Variants in RFX3 observed in about 807,000 individuals in gnomAD.
The protein encoded by RFX3 is transcription factor RFX3.
In RFX3, 14 loss-of-function variants were observed where a neutral mutation model predicts 98.6. That is an observed-to-expected ratio of 0.14 (90% CI 0.09 to 0.22). The LOEUF is 0.22. RFX3 is among the 10% of genes least tolerant of loss of function. The pLI is 1.00. For missense variants in RFX3, 639 were observed against 926.9 expected, an observed-to-expected ratio of 0.69 and a Z score of 4.03; for synonymous variants, 383 against 328.4, an observed-to-expected ratio of 1.17 and a Z score of -1.80.
intron 15 of RFX3, among the ~76,000 whole-genome samples, chr9:3,231,489 A>G (rs573957980): frequency 6.6e-6 from 1 of 152,318 alleles, no homozygotes; most frequent in East Asian, 1.9e-4. Context: ...CAATTTGGAA[A>G]TATTCCTGTC....
intron 2 of RFX3, 43 bp from the exon 3 acceptor site, chr9:3,346,807 T>C: frequency 3.4e-6 from 4 of 1,179,148 alleles, no homozygotes; most frequent in Non-Finnish European, 5.1e-6. Flanking sequence ...GTAGGTATGA[T>C]AGGAAGAATA....
intron 14 of RFX3, among the ~76,000 whole-genome samples, chr9:3,248,722 G>C (rs1259225034): frequency 6.6e-6 from 1 of 152,112 alleles, no homozygotes; most frequent in African/African-American, 2.4e-5. Flanking sequence ...ATTCCAGCAA[G>C]TTTCCTTGGA....
At chr9:3,389,017 A>C (rs1177598280) in intron 2 of RFX3, among the ~76,000 whole-genome samples, 2 of 152,134 alleles carry the variant, frequency 1.3e-5, no homozygotes, top group Non-Finnish European at 2.9e-5. Context: ...GGGAGGAAAA[A>C]AATCTTAGAG....
intron 1 of RFX3, among the ~76,000 whole-genome samples, chr9:3,458,153 T>C (rs151052155): frequency 2.9e-4 from 44 of 152,244 alleles, no homozygotes; most frequent in African/African-American, 9.1e-4. Flanking sequence ...GGATTTAAGG[T>C]GCATGAAGTG....
At chr9:3,342,247 T>C (rs1034941095) in intron 3 of RFX3, among the ~76,000 whole-genome samples, 4 of 152,310 alleles carry the variant, frequency 2.6e-5, no homozygotes, top group Non-Finnish European at 4.4e-5. Context: ...TCTATGCATT[T>C]CTATAGGACT....
At chr9:3,349,666 A>G (rs1834868625) in intron 2 of RFX3, among the ~76,000 whole-genome samples, 1 of 152,046 alleles carries the variant, frequency 6.6e-6, no homozygotes, top group African/African-American at 2.4e-5. Context: ...CTTTTTAGAC[A>G]AACGTGCAAA....
At chr9:3,227,052 C>G (rs753723820) in intron 16 of RFX3, among the ~76,000 whole-genome samples, 1 of 152,254 alleles carries the variant, frequency 6.6e-6, no homozygotes, top group South Asian at 2.1e-4. Flanking sequence ...CAAGAGCCAT[C>G]AAGAGGTCTG....
At chr9:3,423,772 T>C (rs530265983) in intron 1 of RFX3, among the ~76,000 whole-genome samples, 80 of 106,904 alleles carry the variant, frequency 7.5e-4, no homozygotes, top group African/African-American at 2.6e-3. Flanking sequence ...ATGTATTATA[T>C]ATTTTCATAT....
chr9:3,304,952 G>A (rs1303420880), intron 4 of RFX3, among the ~76,000 whole-genome samples: 1 of 152,018 alleles, frequency 6.6e-6, no homozygotes, highest in African/African-American at 2.4e-5. Flanking sequence ...TTTTGAGGAT[G>A]TAATGAAAAC....
chr9:3,326,392 A>T (rs2991307), intron 4 of RFX3, among the ~76,000 whole-genome samples: 2 of 151,986 alleles, frequency 1.3e-5, no homozygotes, highest in Non-Finnish European at 2.9e-5. Context: ...TACATAAGTA[A>T]ATGTGTGGCA....
chr9:3,372,729 G>A (rs932891864), intron 2 of RFX3, among the ~76,000 whole-genome samples: 3 of 151,924 alleles, frequency 2.0e-5, no homozygotes, highest in African/African-American at 7.2e-5. Flanking sequence ...GGGAGTACAG[G>A]TGCCCGCCAC....
chr9:3,240,780 G>T (rs1819808333), intron 15 of RFX3, among the ~76,000 whole-genome samples: 1 of 152,178 alleles, frequency 6.6e-6, no homozygotes, highest in Non-Finnish European at 1.5e-5. Context: ...CTGTGGTTGA[G>T]AGCAAAACCA....
chr9:3,424,846 A>G (rs1369013297), intron 1 of RFX3, among the ~76,000 whole-genome samples: 1 of 152,176 alleles, frequency 6.6e-6, no homozygotes. Flanking sequence ...TTTTCTCACA[A>G]AAAGAATAAT....
chr9:3,222,000 A>G lies in RFX3; in HGVS notation c.*3042T>C, dbSNP rs1181506671. The G allele has an allele frequency of 1.3e-5, 2 of 152,162 alleles. No homozygotes were observed. The highest frequency in any genetic ancestry group is 2.4e-5 in the African/African-American group (1 of 41,464). 9.4% of individuals were successfully genotyped at this position (152,162 alleles called of 1,614,324 possible). Reference sequence around the variant, plus strand: ...ATAAATCTGTTGAGTGTTAGTGTCTAATATTATTTAGAAAACCCACACTTT... The same window carrying G: ...ATAAATCTGTTGAGTGTTAGTGTCTGATATTATTTAGAAAACCCACACTTT... On this transcript the variant is annotated 3_prime_UTR_variant, in exon 17 of 17. Transcript: ENST00000617270.
At chr9:3,360,892 T>C (rs1321014526) in intron 2 of RFX3, among the ~76,000 whole-genome samples, 1 of 152,194 alleles carries the variant, frequency 6.6e-6, no homozygotes, top group Admixed American at 6.5e-5. Context: ...AATGAGTTCA[T>C]TTATAATTGT....
At chr9:3,416,477 A>T (rs1404758594) in intron 1 of RFX3, among the ~76,000 whole-genome samples, 1 of 151,398 alleles carries the variant, frequency 6.6e-6, no homozygotes, top group East Asian at 1.9e-4. Context: ...AAAAGAAAGG[A>T]TGTTATCAGT....
chr9:3,492,537 G>C (rs891594642), intron 1 of RFX3, among the ~76,000 whole-genome samples: 3 of 152,164 alleles, frequency 2.0e-5, no homozygotes, highest in African/African-American at 7.2e-5. Flanking sequence ...CAAAGTTCTT[G>C]ACTATACTCC....
chr9:3,322,470 G>T (rs1407742295), intron 4 of RFX3, among the ~76,000 whole-genome samples: 1 of 152,104 alleles, frequency 6.6e-6, no homozygotes, highest in African/African-American at 2.4e-5. Context: ...GGTGGCTCAG[G>T]CCTGTAATCC....
intron 10 of RFX3, chr9:3,270,741 G>C: frequency 1.5e-6 from 1 of 659,958 alleles, no homozygotes; most frequent in South Asian, 2.0e-5. Flanking sequence ...ATTTTCTGAC[G>C]GTATGAAAGG....
Sources: gnomAD v4.1 joint callset for allele counts (sites outside exome capture counted in the v4.1 genomes callset) on GRCh38, gnomAD v4.1.1 for gene constraint, MANE v1.5 for transcripts, NCBI Gene and HGNC (gene_info 2026-07-23, HGNC 2026-07-21) for gene names.